The following FARS2 variants were observed in gnomAD, a reference collection of about 807,000 sequenced individuals.
The protein encoded by FARS2 is phenylalanyl-tRNA synthetase 2, mitochondrial, also known as phenylalanine--tRNA ligase, mitochondrial.
In FARS2, 40 loss-of-function variants were observed where a neutral mutation model predicts 46.4. That is an observed-to-expected ratio of 0.86 (90% CI 0.67 to 1.12). The LOEUF (loss-of-function observed/expected upper bound fraction) is 1.12. Ranked by LOEUF, FARS2 falls within the 50% of genes most tolerant of loss-of-function variation. The pLI, the probability that FARS2 is intolerant of heterozygous loss-of-function variation, is 0.00. For missense variants in FARS2, 513 were observed against 567.9 expected, an observed-to-expected ratio of 0.90 and a Z score of 0.98; for synonymous variants, 234 against 214.9, an observed-to-expected ratio of 1.09 and a Z score of -0.78.
chr6:5,470,440 T>G (rs1375141607), intron 4 of FARS2, among the ~76,000 whole-genome samples: 2 of 152,146 alleles, frequency 1.3e-5, no homozygotes, highest in Non-Finnish European at 2.9e-5. Flanking sequence ...CCTGCAGATA[T>G]TGAGGGATGA....
chr6:5,276,672 ATC>A (rs1766356226), intron 1 of FARS2, among the ~76,000 whole-genome samples: 1 of 152,160 alleles, frequency 6.6e-6, no homozygotes, highest in Non-Finnish European at 1.5e-5. Context: ...AATTGTGTGG[ATC>A]ACTCTGGGTC....
intron 5 of FARS2, among the ~76,000 whole-genome samples, chr6:5,551,989 G>A (rs2326643): frequency 0.66 from 100,115 of 152,068 alleles, 33,413 homozygotes; most frequent in Middle Eastern, 0.8. Context: ...GTAGGATAAC[G>A]TATTCTCAGG....
At chr6:5,495,706 G>A (rs1767421911) in intron 4 of FARS2, among the ~76,000 whole-genome samples, 1 of 152,198 alleles carries the variant, frequency 6.6e-6, no homozygotes, top group East Asian at 1.9e-4. Context: ...TACTGAGGTG[G>A]TAGCTCATAG....
intron 6 of FARS2, among the ~76,000 whole-genome samples, chr6:5,731,994 A>G (rs1276795043): frequency 1.3e-5 from 2 of 151,944 alleles, no homozygotes; most frequent in African/African-American, 4.8e-5. Context: ...CTGCCTCCCT[A>G]TCTCCTGTGC....
At chr6:5,637,127 C>T (rs746975791) in intron 6 of FARS2, among the ~76,000 whole-genome samples, 13 of 152,202 alleles carry the variant, frequency 8.5e-5, no homozygotes, top group East Asian at 1.9e-4. Flanking sequence ...GCCTCAGTGG[C>T]GTGAGAGGCT....
intron 5 of FARS2, among the ~76,000 whole-genome samples, chr6:5,578,360 A>C (rs916552938): frequency 1.3e-4 from 20 of 152,140 alleles, no homozygotes; most frequent in African/African-American, 4.8e-4. Context: ...GGTTATGCTC[A>C]ACCAAATTCC....
At chr6:5,656,825 G>A (rs1309245543) in intron 6 of FARS2, among the ~76,000 whole-genome samples, 2 of 152,008 alleles carry the variant, frequency 1.3e-5, no homozygotes, top group East Asian at 1.9e-4. Flanking sequence ...CTGGGATTAC[G>A]GGTGTGAGCC....
intron 4 of FARS2, among the ~76,000 whole-genome samples, chr6:5,438,174 T>TA (rs1562040914): frequency 1.1e-4 from 17 of 149,256 alleles, no homozygotes; most frequent in Non-Finnish European, 2.5e-4. Context: ...TCCTTTTTTT[T>TA]TAAAAAAATT....
chr6:5,528,084 C>T (rs993012913), intron 4 of FARS2, among the ~76,000 whole-genome samples: 5 of 152,172 alleles, frequency 3.3e-5, no homozygotes, highest in Non-Finnish European at 7.3e-5. Flanking sequence ...TCAAAAGGTT[C>T]TGCAATACCC....
intron 1 of FARS2, among the ~76,000 whole-genome samples, chr6:5,353,286 C>T (rs1361123355): frequency 1.3e-5 from 2 of 152,056 alleles, no homozygotes; most frequent in Admixed American, 6.6e-5. Flanking sequence ...CCACATTTTC[C>T]TTATTCACTT....
chr6:5,499,257 A>G (rs1189599730), intron 4 of FARS2, among the ~76,000 whole-genome samples: 3 of 152,022 alleles, frequency 2.0e-5, no homozygotes, highest in Non-Finnish European at 4.4e-5. Context: ...GAGAGTGGAC[A>G]TTTTTTTCTG....
chr6:5,560,909 A>G (rs1332582333), intron 5 of FARS2, among the ~76,000 whole-genome samples: 1 of 152,128 alleles, frequency 6.6e-6, no homozygotes, highest in East Asian at 1.9e-4. Flanking sequence ...CAGGCAGATC[A>G]CTTGAGGCCA....
In FARS2 at chr6:5,513,567, T is replaced by C. The variant is rs139785429; in HGVS notation, c.905-31613T>C. On this transcript the variant is annotated intron_variant, in intron 4 of 6. Coordinates refer to ENST00000274680, the MANE Select transcript of FARS2 (RefSeq NM_006567.5). The stretch of plus-strand genomic sequence containing the variant: ...TCTCAAATGCCATCCAGGGCGCCTG[T>C]GTCTTTTCGTTCTGGCTGCTGCCTC... Among the ~76,000 whole-genome samples the C allele has an allele frequency of 7.0e-3, 1,070 of 152,362 alleles. 49 individuals carry two copies. Among genetic ancestry groups the C allele is most frequent in the Admixed American group, 0.061 (933 of 15,304 alleles).
intron 6 of FARS2, among the ~76,000 whole-genome samples, chr6:5,677,289 A>G (rs1035697404): frequency 3.3e-5 from 5 of 152,304 alleles, no homozygotes; most frequent in Admixed American, 2.0e-4. Context: ...ACCGTAAAGT[A>G]GGTAAGGTTT....
At chr6:5,651,330 T>A (rs909331290) in intron 6 of FARS2, among the ~76,000 whole-genome samples, 7 of 152,328 alleles carry the variant, frequency 4.6e-5, no homozygotes, top group African/African-American at 1.7e-4. Context: ...GGACTGTCGA[T>A]TGAAAATGTG....
At position 5,542,721 on chromosome 6, in the gene FARS2, A is replaced by G. The variant is rs112695638; in HGVS notation, c.905-2459A>G. On this transcript the variant is annotated intron_variant, in intron 4 of 6. Coordinates refer to ENST00000274680, the MANE Select transcript of FARS2 (RefSeq NM_006567.5). ...TACCAAACTGTTTTTGAAACTACCA[A>G]AGTGGTTTTATCATTCCCACCCAAT... 4.3e-3 allele frequency among the ~76,000 whole-genome samples: 651 copies of G among 152,346 alleles called. 2 individuals carry two copies. Among genetic ancestry groups the G allele is most frequent in the Non-Finnish European group, 5.5e-3 (373 of 68,032 alleles).
At chr6:5,314,458 C>T (rs543639958) in intron 1 of FARS2, among the ~76,000 whole-genome samples, 1 of 152,262 alleles carries the variant, frequency 6.6e-6, no homozygotes, top group African/African-American at 2.4e-5. Flanking sequence ...ACCAGACCTG[C>T]TGAACCAAGG....
At chr6:5,622,041 A>C (rs1008630470) in intron 6 of FARS2, among the ~76,000 whole-genome samples, 1 of 152,254 alleles carries the variant, frequency 6.6e-6, no homozygotes, top group Admixed American at 6.5e-5. Context: ...TGACTGACTG[A>C]GCTAAACACC....
chr6:5,591,326 C>A (rs1209246989), intron 5 of FARS2, among the ~76,000 whole-genome samples: 1 of 152,234 alleles, frequency 6.6e-6, no homozygotes, highest in African/African-American at 2.4e-5. Context: ...ACAAGGTGGT[C>A]AGCTTTCTGT....
Sources: allele counts gnomAD v4.1 joint callset (sites outside exome capture counted in the v4.1 genomes callset), GRCh38; gene constraint gnomAD v4.1.1; transcripts MANE v1.5; gene names NCBI Gene and HGNC (gene_info 2026-07-23, HGNC 2026-07-21).